The following EVC variants were observed in gnomAD, a reference collection of about 807,000 sequenced individuals.
EVC encodes evC complex member EVC.
EVC carries 116 observed loss-of-function variants against 118.9 expected under a neutral mutation model. That is an observed-to-expected ratio of 0.98 (90% confidence interval 0.84 to 1.14). The LOEUF (loss-of-function observed/expected upper bound fraction) is 1.14, where lower values mean the gene tolerates loss of function less well. Ranked by LOEUF, EVC falls within the 50% of genes most tolerant of loss-of-function variation. EVC has a pLI of 0.00. For synonymous variants in EVC, 619 were observed against 534.7 expected, an observed-to-expected ratio of 1.16 and a Z score of -2.18; for missense variants, 1,401 against 1,246.4, an observed-to-expected ratio of 1.12 and a Z score of -1.87.
intron 13 of EVC, among the ~76,000 whole-genome samples, chr4:5,795,471 G>A (rs1713769920): frequency 6.6e-6 from 1 of 152,196 alleles, no homozygotes; most frequent in Non-Finnish European, 1.5e-5. Context: ...AGGCAGCATG[G>A]TGAAACCCTG....
intron 1 of EVC, among the ~76,000 whole-genome samples, chr4:5,716,700 A>G (rs184796451): frequency 3.5e-4 from 53 of 152,304 alleles, no homozygotes; most frequent in African/African-American, 1.2e-3. Context: ...TTAGGCGACT[A>G]TTACCTTCTT....
intron 13 of EVC, among the ~76,000 whole-genome samples, chr4:5,795,583 C>T (rs566727124): frequency 3.2e-4 from 49 of 152,272 alleles, no homozygotes; most frequent in Admixed American, 6.5e-4. Context: ...GCCCCAGAGG[C>T]GGAGGTTGCA....
In EVC at chr4:5,755,615, C is replaced by G. The variant is rs1299384728; in HGVS notation, c.1465-649C>G. On this transcript the variant is annotated intron_variant, in intron 10 of 20. Coordinates refer to ENST00000264956, the MANE Select transcript of EVC (RefSeq NM_153717.3). This position sits in a 1 kb window ranked among gnomAD's most constrained non-coding sequence, Gnocchi z 4.1. ...CTCGCTGAGCCTGGCTCCCCATCTT[C>G]CCTCCAAGGAGTCCTTCCTTGTCCT... Among the ~76,000 whole-genome samples, 1 of 152,132 alleles carries G rather than the reference C, an allele frequency of 6.6e-6. No homozygotes were observed. Among genetic ancestry groups the G allele is most frequent in the Non-Finnish European group, 1.5e-5 (1 of 68,020 alleles).
Position 5,742,485 on chromosome 4 carries a change from C to T in EVC, c.801+671C>T, listed in dbSNP as rs1416129746. 6.6e-6 allele frequency among the ~76,000 whole-genome samples: 1 copy of T among 152,058 alleles called. No homozygotes were observed. The highest frequency in any genetic ancestry group is 1.5e-5 in the Non-Finnish European group (1 of 68,006). ...ACCATCACCACCACTATTACTATCA[C>T]AGTTCTCTTCTTCATCATGTCATTG... On this transcript the variant is annotated intron_variant, in intron 6 of 20. Transcript: ENST00000264956. The surrounding 1 kb of genome is among the most constrained non-coding windows in gnomAD (Gnocchi z 5.2).
Position 5,717,601 on chromosome 4 carries a change from C to T in EVC, c.175-1647C>T, listed in dbSNP as rs1458282274. ...AAACAACCCCCCAAATCTCTGGCTT[C>T]ATCATCCACCCCAAGACCCACGACA... On this transcript the variant is annotated intron_variant, in intron 1 of 20. Coordinates refer to ENST00000264956, the MANE Select transcript of EVC (RefSeq NM_153717.3). Among the ~76,000 whole-genome samples, 6 of 152,204 alleles carry T rather than the reference C, an allele frequency of 3.9e-5. No individual in the cohort carries two copies. In the South Asian group the frequency reaches 6.2e-4, roughly 16 times the overall value.
chr4:5,745,173 A>G (rs758772538), intron 6 of EVC, 31 bp from the exon 7 acceptor site: 1 of 1,606,742 alleles, frequency 6.2e-7, no homozygotes, highest in Non-Finnish European at 8.5e-7. Flanking sequence ...TTCTTTGTTT[A>G]TTTGCTTTCT....
chr4:5,718,569 G>A lies in EVC; in HGVS notation c.175-679G>A, dbSNP rs148781989. Among the ~76,000 whole-genome samples, 807 of 152,126 alleles carry A rather than the reference G, an allele frequency of 5.3e-3. 13 individuals carry two copies. Among genetic ancestry groups the A allele is most frequent in the African/African-American group, 0.017 (702 of 41,518 alleles). ...AAGGATGTTTGTTTACAGCATGAGA[G>A]CAGAGACAAGAAGGCAGAGTGCTAC... On this transcript the variant is annotated intron_variant, in intron 1 of 20. Transcript: ENST00000264956.
rs192657430 is a variant in EVC, at chr4:5,747,527, G to A, written c.940-621G>A. Reference sequence around the variant, plus strand: ...GGCGAACAGCCTGTGGGCCATGAGGGAAAGTTGCTCCGATTCCTAGTGTCA... The same window carrying A: ...GGCGAACAGCCTGTGGGCCATGAGGAAAAGTTGCTCCGATTCCTAGTGTCA... On this transcript the variant is annotated intron_variant, in intron 7 of 20. Transcript: ENST00000264956. Among the ~76,000 whole-genome samples the A allele has an allele frequency of 6.6e-4, 101 of 152,284 alleles. 1 individual carries two copies. The highest frequency in any genetic ancestry group is 1.8e-4 in the Non-Finnish European group (12 of 68,026).
intron 11 of EVC, among the ~76,000 whole-genome samples, chr4:5,771,902 A>T (rs1011038652): frequency 6.6e-6 from 1 of 151,130 alleles, no homozygotes; most frequent in African/African-American, 2.4e-5. Context: ...TTATTTTATT[A>T]TTATTATTAT....
intron 11 of EVC, among the ~76,000 whole-genome samples, chr4:5,776,449 G>C (rs1734731892): frequency 1.3e-5 from 2 of 152,058 alleles, no homozygotes; most frequent in Admixed American, 1.3e-4. Flanking sequence ...ATGGGCACTG[G>C]AACCCAACTG....
At chr4:5,807,472 C>T (rs1716110890) in intron 17 of EVC, among the ~76,000 whole-genome samples, 1 of 152,164 alleles carries the variant, frequency 6.6e-6, no homozygotes, top group Non-Finnish European at 1.5e-5. Context: ...AAATTCGACC[C>T]CTTTCAGAAA....
chr4:5,715,015 T>G (rs1471329665), intron 1 of EVC, among the ~76,000 whole-genome samples: 1 of 151,790 alleles, frequency 6.6e-6, no homozygotes, highest in Non-Finnish European at 1.5e-5. Flanking sequence ...AGTTTTGCCA[T>G]GTTGCCCAGG....
rs2291152 is a variant in EVC at position 5,796,900 on chromosome 4, G to A, written c.1887-122G>A. 0.28 allele frequency: 219,529 copies of A among 780,326 alleles called. 33,755 individuals are homozygous for A. Among genetic ancestry groups the A allele is most frequent in the African/African-American group, 0.41 (23,887 of 58,612 alleles). 48.3% of individuals were successfully genotyped at this position (780,326 alleles called of 1,614,324 possible). A position where few individuals can be genotyped will look rare whatever the true frequency, so the allele number is the denominator to read the frequency against. Reference sequence around the variant, plus strand: ...GCCTAAGAGGATGGCAGCAGAGGGCGGTGATTCCAACCTGCTTCCTTTTGG... The same window carrying A: ...GCCTAAGAGGATGGCAGCAGAGGGCAGTGATTCCAACCTGCTTCCTTTTGG... On this transcript the variant is annotated intron_variant, in intron 13 of 20. Transcript: ENST00000264956.
At position 5,749,161 on chromosome 4, in the gene EVC, G is replaced by A. The variant is rs781564521; in HGVS notation, c.1098+855G>A. Among the ~76,000 whole-genome samples, 2 of 152,064 alleles carry A rather than the reference G, an allele frequency of 1.3e-5. No individual in the cohort carries two copies. The highest frequency in any genetic ancestry group is 2.9e-5 in the Non-Finnish European group (2 of 68,024). ...GAGGTTCTAATATGATTGGTCTGGAGTGGAGGCCCTGGCATTGTGGGTTTT... is the reference window on the plus strand; with the variant it reads ...GAGGTTCTAATATGATTGGTCTGGAATGGAGGCCCTGGCATTGTGGGTTTT... On this transcript the variant is annotated intron_variant, in intron 8 of 20. Coordinates refer to ENST00000264956, the MANE Select transcript of EVC (RefSeq NM_153717.3). The surrounding 1 kb of genome is among the most constrained non-coding windows in gnomAD (Gnocchi z 4.4).
chr4:5,774,020 C>G (rs1463892290), intron 11 of EVC, among the ~76,000 whole-genome samples: 1 of 152,006 alleles, frequency 6.6e-6, no homozygotes, highest in Non-Finnish European at 1.5e-5. Context: ...GCATCTTCAG[C>G]CCTGGCCACA....
intron 5 of EVC, among the ~76,000 whole-genome samples, chr4:5,739,392 T>C (rs953890487): frequency 2.0e-5 from 3 of 152,216 alleles, no homozygotes; most frequent in Admixed American, 6.5e-5. Context: ...AAATCTCAGC[T>C]CTGTCGCATG....
At position 5,749,656 on chromosome 4, in the gene EVC, G is replaced by A. The variant is rs1454461589; in HGVS notation, c.1098+1350G>A. 6.6e-6 allele frequency among the ~76,000 whole-genome samples: 1 copy of A among 152,132 alleles called. No individual in the cohort carries two copies. The highest frequency in any genetic ancestry group is 2.4e-5 in the African/African-American group (1 of 41,422). On this transcript the variant is annotated intron_variant, in intron 8 of 20. Coordinates refer to ENST00000264956, the MANE Select transcript of EVC (RefSeq NM_153717.3). The surrounding 1 kb of genome is among the most constrained non-coding windows in gnomAD (Gnocchi z 4.4). ...TCTTGGTACACATTGGGCTCATCCTGTGTGCGCCAGTGTGTACTAGGGCCA... is the reference window on the plus strand; with the variant it reads ...TCTTGGTACACATTGGGCTCATCCTATGTGCGCCAGTGTGTACTAGGGCCA...
intron 17 of EVC, among the ~76,000 whole-genome samples, chr4:5,805,703 G>T (rs1560440693): frequency 6.6e-6 from 1 of 152,128 alleles, no homozygotes. Context: ...GCTTCACTTT[G>T]ACCCAGGTGA....
intron 12 of EVC, among the ~76,000 whole-genome samples, chr4:5,788,912 G>A (rs1200293919): frequency 1.3e-5 from 2 of 152,108 alleles, no homozygotes; most frequent in South Asian, 4.1e-4. Context: ...TAGCTCCTGA[G>A]CTGTCATTCG....
Sources: gnomAD v4.1 joint callset for allele counts (sites outside exome capture counted in the v4.1 genomes callset) on GRCh38, gnomAD v4.1.1 for gene constraint, Gnocchi (gnomAD v3.1) non-coding constraint, MANE v1.5 for transcripts, NCBI Gene and HGNC (gene_info 2026-07-23, HGNC 2026-07-21) for gene names.